Variants in PELP1 observed in about 807,000 individuals in gnomAD.
PELP1 encodes the protein proline-, glutamic acid- and leucine-rich protein 1.
In PELP1, 32 loss-of-function variants were observed where a neutral mutation model predicts 95.5. That is an observed-to-expected ratio of 0.34 (90% CI 0.25 to 0.45). The LOEUF is 0.45. Ranked by LOEUF, PELP1 falls within the 20% of genes least tolerant of loss-of-function variation. The probability of loss-of-function intolerance (pLI) is 1.00; values close to 1 mark genes in which losing one functional copy is unlikely to be tolerated. For missense variants in PELP1, 1,358 were observed against 1,444.8 expected (o/e 0.94, Z 0.97); for synonymous variants, 668 against 600.1 (o/e 1.11, Z -1.65).
chr17:4,699,109 G>A (rs939628229), intron 1 of PELP1, among the ~76,000 whole-genome samples: 36 of 152,224 alleles, frequency 2.4e-4, no homozygotes, highest in African/African-American at 8.4e-4. Context: ...AGCCAGGTGC[G>A]GTGGCTCAGG....
At chr17:4,693,806 C>T (rs543404724) in intron 1 of PELP1, among the ~76,000 whole-genome samples, 1 of 152,238 alleles carries the variant, frequency 6.6e-6, no homozygotes, top group East Asian at 1.9e-4. Flanking sequence ...AATTTTCCAC[C>T]TAATATTTTC....
At chr17:4,689,820 G>A (rs146767065) in intron 3 of PELP1, among the ~76,000 whole-genome samples, 24,535 of 152,168 alleles carry the variant, frequency 0.16, 2,584 homozygotes, top group Non-Finnish European at 0.25. Flanking sequence ...GAGGTCAGGA[G>A]TTTGAGACCA....
chr17:4,673,034 G>A lies in PELP1; in HGVS notation c.1957C>T (p.Pro653Ser), dbSNP rs1389249172. ...CTGAAGGGCGATGGGGCCTCAGGAGGGGGAACTGGAGCAGGTGTGGGGCAG... is the reference window on the plus strand; with the variant it reads ...CTGAAGGGCGATGGGGCCTCAGGAGAGGGAACTGGAGCAGGTGTGGGGCAG... The part of the protein sequence containing the change: ...PTCPTPAPVP[P>S]PEAPSPFRAP... Residue 653 changes from proline to serine, a missense_variant, in exon 16 of 17, where the codon CCT becomes TCT. This residue lies in a region of PELP1 where 340 missense variants were observed against 322.9 expected (regional missense o/e 1.05). Transcript: ENST00000572293. The surrounding 1 kb of genome is among the most constrained non-coding windows in gnomAD (Gnocchi z 5.7). 2 of 1,533,164 alleles carry A rather than the reference G, an allele frequency of 1.3e-6. No individual in the cohort carries two copies. The highest frequency in any genetic ancestry group is 2.3e-5 in the East Asian group (1 of 44,292). The allele number at this position is 1,533,164 out of a possible 1,614,324, so 95.0% of individuals were successfully genotyped here. A position where few individuals can be genotyped will look rare whatever the true frequency, so the allele number is the denominator to read the frequency against.
chr17:4,699,753 ATTTTTGCATTT>A (rs1913444987), intron 1 of PELP1, among the ~76,000 whole-genome samples: 1 of 151,438 alleles, frequency 6.6e-6, no homozygotes, highest in Non-Finnish European at 1.5e-5. Context: ...CGCCCAGCTA[ATTTTTGCATTT>A]TTAGTAAAGA....
At chr17:4,702,862 T>C (rs1160632891) in intron 1 of PELP1, among the ~76,000 whole-genome samples, 1 of 152,194 alleles carries the variant, frequency 6.6e-6, no homozygotes, top group East Asian at 1.9e-4. Flanking sequence ...TATTATGGGC[T>C]AGAAATATGC....
At chr17:4,690,382 T>C (rs2150562433) in intron 3 of PELP1, among the ~76,000 whole-genome samples, 1 of 152,166 alleles carries the variant, frequency 6.6e-6, no homozygotes, top group South Asian at 2.1e-4. Context: ...AAAGAAATTA[T>C]CCATGTAACC....
At chr17:4,700,313 G>T (rs368967740) in intron 1 of PELP1, among the ~76,000 whole-genome samples, 67 of 152,112 alleles carry the variant, frequency 4.4e-4, no homozygotes, top group African/African-American at 9.2e-4. Context: ...GCTGAGGCAG[G>T]AAGATTTTTT....
At chr17:4,680,139 T>C (rs1242880685) in intron 5 of PELP1, among the ~76,000 whole-genome samples, 1 of 152,200 alleles carries the variant, frequency 6.6e-6, no homozygotes, top group Non-Finnish European at 1.5e-5. Flanking sequence ...TTCCACAGAA[T>C]AATTACAATG....
Position 4,675,633 on chromosome 17 carries a change from C to A in PELP1, c.1068+164G>T, listed in dbSNP as rs1191527775. 13 of 720,786 alleles carry A rather than the reference C, an allele frequency of 1.8e-5. No individual in the cohort carries two copies. The highest frequency in any genetic ancestry group is 2.3e-4 in the Middle Eastern group (1 of 4,384). The allele number at this position is 720,786 out of a possible 1,614,324, so 44.6% of individuals were successfully genotyped here. A position where few individuals can be genotyped will look rare whatever the true frequency, so the allele number is the denominator to read the frequency against. The stretch of plus-strand genomic sequence containing the variant: ...ATTTGCTACACTCTGACACTGTGCT[C>A]CTGTGTCACGACACATAGGAAGTGA... On this transcript the variant is annotated intron_variant, in intron 9 of 16. Coordinates refer to ENST00000572293, the MANE Select transcript of PELP1 (RefSeq NM_014389.3). This position sits in a 1 kb window ranked among gnomAD's most constrained non-coding sequence, Gnocchi z 4.3.
At chr17:4,701,820 TG>T (rs1171163087) in intron 1 of PELP1, among the ~76,000 whole-genome samples, 4 of 152,116 alleles carry the variant, frequency 2.6e-5, no homozygotes, top group African/African-American at 7.2e-5. Flanking sequence ...ATGAAACCTT[TG>T]GGGAAGGAAA....
In PELP1 at chr17:4,676,517, A is replaced by C. The variant is rs1180286403; in HGVS notation, c.703-10T>G. The C allele has an allele frequency of 4.3e-6, 7 of 1,613,218 alleles. No homozygotes were observed. The highest frequency in any genetic ancestry group is 5.9e-6 in the Non-Finnish European group (7 of 1,179,642). ...AACACTCACAGGCCAACTGCGGGAG[A>C]AAGGACAGAAACCTGGTCAGATGGG... is the stretch of plus-strand genomic sequence containing the variant. On this transcript the variant is annotated splice_polypyrimidine_tract_variant and intron_variant, in intron 6 of 16. Transcript: ENST00000572293.
At position 4,673,443 on chromosome 17, in the gene PELP1, A is replaced by C. The variant is rs1912322563; in HGVS notation, c.1652T>G (p.Leu551Arg). ...TACACCCATGACCAGGGGGAGGACCAGGTCATGCAGTCTCTGAAAAGGACA... is the reference window on the plus strand; with the variant it reads ...TACACCCATGACCAGGGGGAGGACCCGGTCATGCAGTCTCTGAAAAGGACA... ...KEETHRRLHD[L>R]VLPLVMGVQQ... The change falls in exon 15 of 17, where the codon CTG becomes CGG. Residue 551 changes from leucine to arginine, a missense_variant. Physicochemically the swap from Leu to Arg is moderately radical, Grantham distance 102. Transcript: ENST00000572293. The surrounding 1 kb of genome is among the most constrained non-coding windows in gnomAD (Gnocchi z 5.7). 11 of 1,590,542 alleles carry C rather than the reference A, an allele frequency of 6.9e-6. No individual in the cohort carries two copies. Among genetic ancestry groups the C allele is most frequent in the Non-Finnish European group, 8.6e-6 (10 of 1,168,628 alleles).
Position 4,673,499 on chromosome 17 carries a change from C to T in PELP1, c.1639-43G>A, listed in dbSNP as rs1441888785. The T allele has an allele frequency of 1.3e-6, 2 of 1,568,754 alleles. No individual in the cohort carries two copies. The highest frequency in any genetic ancestry group is 2.3e-5 in the South Asian group (2 of 88,634). On this transcript the variant is annotated intron_variant, in intron 14 of 16. Transcript: ENST00000572293. The surrounding 1 kb of genome is among the most constrained non-coding windows in gnomAD (Gnocchi z 5.7). ...CACCTGGAAACATCCCCAAGACCACCCAACCCTTCTCCAGAGCCTACTCCC... is the reference window on the plus strand; with the variant it reads ...CACCTGGAAACATCCCCAAGACCACTCAACCCTTCTCCAGAGCCTACTCCC...
Position 4,669,983 on chromosome 17 carries a change from G to C in PELP1, c.*1456C>G, listed in dbSNP as rs535066855. 1 of 151,932 alleles carries C rather than the reference G, an allele frequency of 6.6e-6. No individual in the cohort carries two copies. The highest frequency in any genetic ancestry group is 2.1e-4 in the South Asian group (1 of 4,822). 9.4% of individuals were successfully genotyped at this position (151,932 alleles called of 1,614,324 possible). On this transcript the variant is annotated 3_prime_UTR_variant, in exon 17 of 17. Transcript: ENST00000572293. ...GAAAAAAGAAATGTGTATAACTACAGATGTATAGATTAGACAGATATATGG... is the reference window on the plus strand; with the variant it reads ...GAAAAAAGAAATGTGTATAACTACACATGTATAGATTAGACAGATATATGG...
rs371999066 is a variant in PELP1 at position 4,673,701 on chromosome 17, G to T, written c.1583-27C>A. ...TGGGGAAGAAGAATGGTGTGTAAAG[G>T]GTAGGCTCCCAACAGACTGACGGCA... On this transcript the variant is annotated intron_variant, in intron 13 of 16. Coordinates refer to ENST00000572293, the MANE Select transcript of PELP1 (RefSeq NM_014389.3). This position sits in a 1 kb window ranked among gnomAD's most constrained non-coding sequence, Gnocchi z 5.7. 1.9e-6 allele frequency: 3 copies of T among 1,607,520 alleles called. No homozygotes were observed. The highest frequency in any genetic ancestry group is 2.6e-6 in the Non-Finnish European group (3 of 1,174,066).
chr17:4,689,204 G>C (rs1913008629), intron 3 of PELP1, among the ~76,000 whole-genome samples: 1 of 152,152 alleles, frequency 6.6e-6, no homozygotes, highest in African/African-American at 2.4e-5. Flanking sequence ...GATGGATCAA[G>C]GACTTAAATC....
intron 3 of PELP1, among the ~76,000 whole-genome samples, chr17:4,683,317 T>C (rs1354931647): frequency 6.7e-6 from 1 of 149,052 alleles, no homozygotes; most frequent in African/African-American, 2.5e-5. Flanking sequence ...GCCTCCCGGG[T>C]TCACGCCATT....
intron 1 of PELP1, among the ~76,000 whole-genome samples, chr17:4,699,422 T>C (rs1200133410): frequency 1.3e-5 from 2 of 152,156 alleles, no homozygotes; most frequent in African/African-American, 2.4e-5. Context: ...AGGGTATATA[T>C]TGAAATTCTT....
rs1404209593 is a variant in PELP1 at position 4,704,081 on chromosome 17, C to G, written c.31G>C (p.Ala11Pro). 2 of 1,610,910 alleles carry G rather than the reference C, an allele frequency of 1.2e-6. No homozygotes were observed. The highest frequency in any genetic ancestry group is 1.7e-6 in the Non-Finnish European group (2 of 1,179,388). Residue 11 changes from alanine (A) to proline (P), a missense_variant, in exon 1 of 17, where the codon GCG becomes CCG. Physicochemically the swap from Ala to Pro is conservative, Grantham distance 27. Around this residue, in one of 7 missense-constraint regions of PELP1, gnomAD observed 169 missense variants for 134.9 expected, o/e 1.25. Coordinates refer to ENST00000572293, the MANE Select transcript of PELP1 (RefSeq NM_014389.3). ...CCAGGAACCCCAGCCGCGGAGCCCG[C>G]AGAGGGCCCACTCAGAACGGCTGCC... MAAAVLSGPS[A>P]GSAAGVPGGT...
Sources: gnomAD v4.1 joint callset for allele counts (sites outside exome capture counted in the v4.1 genomes callset) on GRCh38, gnomAD v4.1.1 for gene constraint, gnomAD v4.1.1 regional missense constraint, Gnocchi (gnomAD v3.1) non-coding constraint, MANE v1.5 for transcripts, NCBI Gene and HGNC (gene_info 2026-07-23, HGNC 2026-07-21) for gene names.